Variants in MPHOSPH8 observed in about 807,000 individuals in gnomAD.
The protein encoded by MPHOSPH8 is M-phase phosphoprotein 8.
Under a neutral mutation model 87.3 loss-of-function variants are expected in MPHOSPH8, and 45 were observed. The observed-to-expected ratio is 0.52, with a 90% CI of 0.41 to 0.66. The LOEUF (loss-of-function observed/expected upper bound fraction) is 0.66, where lower values mean the gene tolerates loss of function less well. MPHOSPH8 is among the 30% of genes least tolerant of loss of function. The probability of loss-of-function intolerance (pLI) is 0.00; values close to 1 mark genes in which losing one functional copy is unlikely to be tolerated. For synonymous variants in MPHOSPH8, 366 were observed against 376.9 expected (o/e 0.97, Z 0.33); for missense variants, 883 against 1,020.2 (o/e 0.87, Z 1.83).
In MPHOSPH8 at chr13:19,668,510, C is replaced by T. The variant is rs1593492598; in HGVS notation, c.2308C>T (p.Pro770Ser). The T allele has an allele frequency of 6.2e-7, 1 of 1,614,074 alleles. No individual in the cohort carries two copies. Among genetic ancestry groups the T allele is most frequent in the East Asian group, 2.2e-5 (1 of 44,882 alleles). ...PDFSTDFNYK[P>S]PQNIPEGSGI... Reference sequence around the variant, plus strand: ...TTTTTCAACAGATTTCAATTACAAACCCCCACAGAACATACCAGAAGGTAA... The same window carrying T: ...TTTTTCAACAGATTTCAATTACAAATCCCCACAGAACATACCAGAAGGTAA... Residue 770 changes from proline (P) to serine (S), a missense_variant, in exon 11 of 14, where the codon CCC becomes TCC. Around this residue, in one of 3 missense-constraint regions of MPHOSPH8, gnomAD observed 741 missense variants for 841.5 expected, o/e 0.88. Transcript: ENST00000361479.
chr13:19,662,889 C>G, intron 8 of MPHOSPH8, 151 bp from the exon 9 acceptor site: 1 of 659,752 alleles, frequency 1.5e-6, no homozygotes, highest in Non-Finnish European at 2.6e-6. Flanking sequence ...GCGGGGTGCA[C>G]CCCCGTGGCC....
intron 2 of MPHOSPH8, among the ~76,000 whole-genome samples, chr13:19,642,961 G>A (rs1171198819): frequency 6.6e-6 from 1 of 152,160 alleles, no homozygotes; most frequent in South Asian, 2.1e-4. Context: ...GGTCAGCACT[G>A]GTTTAGTAAG....
chr13:19,644,693 G>T (rs1487359782), intron 2 of MPHOSPH8, among the ~76,000 whole-genome samples: 1 of 152,208 alleles, frequency 6.6e-6, no homozygotes, highest in Non-Finnish European at 1.5e-5. Flanking sequence ...GACTTCTTTT[G>T]TTTCCTAACA....
chr13:19,651,270 T>C (rs1874831605), intron 5 of MPHOSPH8, among the ~76,000 whole-genome samples: 1 of 152,226 alleles, frequency 6.6e-6, no homozygotes, highest in Non-Finnish European at 1.5e-5. Context: ...CAGTGGCCTG[T>C]AGTCCCAGCA....
intron 2 of MPHOSPH8, 133 bp downstream of exon 2, chr13:19,642,403 C>A: frequency 1.4e-6 from 1 of 732,854 alleles, no homozygotes; most frequent in Non-Finnish European, 2.0e-6. Flanking sequence ...TCCATGTAGC[C>A]AATTCTCACA....
At chr13:19,660,785 GT>G (rs1875482164) in intron 7 of MPHOSPH8, among the ~76,000 whole-genome samples, 1 of 152,030 alleles carries the variant, frequency 6.6e-6, no homozygotes, top group South Asian at 2.1e-4. Flanking sequence ...GGATGTCTTT[GT>G]ACACATAAGT....
chr13:19,661,943 C>A (rs9551950), intron 8 of MPHOSPH8, 105 bp downstream of exon 8: 6 of 1,220,436 alleles, frequency 4.9e-6, no homozygotes, highest in Non-Finnish European at 5.4e-6. Context: ...ATGGTCACAT[C>A]GCTTTTTTTT....
At chr13:19,638,986 G>A (rs1156963786) in intron 1 of MPHOSPH8, among the ~76,000 whole-genome samples, 2 of 151,814 alleles carry the variant, frequency 1.3e-5, no homozygotes, top group Non-Finnish European at 2.9e-5. Flanking sequence ...GGGAGGGAGA[G>A]GCAGGAGAAT....
intron 12 of MPHOSPH8, 24 bp from the exon 13 acceptor site, chr13:19,671,182 T>G (rs749377484): frequency 6.1e-5 from 98 of 1,594,952 alleles, no homozygotes; most frequent in Non-Finnish European, 7.9e-5. Flanking sequence ...AAACACTGAC[T>G]TTTTTTTTCT....
intron 10 of MPHOSPH8, among the ~76,000 whole-genome samples, chr13:19,667,022 C>T (rs1057395381): frequency 1.2e-4 from 19 of 152,058 alleles, no homozygotes; most frequent in Admixed American, 9.8e-4. Context: ...ATTAGCCGGG[C>T]GTGGTGGTGG....
At chr13:19,639,197 A>C (rs1874158352) in intron 1 of MPHOSPH8, among the ~76,000 whole-genome samples, 1 of 151,884 alleles carries the variant, frequency 6.6e-6, no homozygotes, top group Non-Finnish European at 1.5e-5. Flanking sequence ...TATTTTGGCT[A>C]GTCACCCATC....
chr13:19,637,638 T>TA (rs1054800622), intron 1 of MPHOSPH8, among the ~76,000 whole-genome samples: 6 of 152,156 alleles, frequency 3.9e-5, no homozygotes, highest in Non-Finnish European at 7.4e-5. Flanking sequence ...ATGTTTATTC[T>TA]AAAACCAAAT....
At chr13:19,668,608 T>C (rs990469115) in intron 11 of MPHOSPH8, 77 bp downstream of exon 11, 7 of 1,427,976 alleles carry the variant, frequency 4.9e-6, no homozygotes, top group Non-Finnish European at 6.6e-6. Flanking sequence ...CAGAATCCTT[T>C]CTTGGAACAA....
intron 11 of MPHOSPH8, among the ~76,000 whole-genome samples, 158 bp from the exon 12 acceptor site, chr13:19,670,078 G>A (rs1280161689): frequency 1.3e-5 from 2 of 152,252 alleles, no homozygotes; most frequent in Non-Finnish European, 2.9e-5. Context: ...GGTGACACGA[G>A]CTTTGAGAGG....
intron 5 of MPHOSPH8, among the ~76,000 whole-genome samples, chr13:19,656,206 G>T (rs1272565194): frequency 6.7e-6 from 1 of 149,962 alleles, no homozygotes; most frequent in Non-Finnish European, 1.5e-5. Context: ...TTGAGCCCAG[G>T]AGGCAGAGAT....
At position 19,672,843 on chromosome 13, in the gene MPHOSPH8, T is replaced by C. The variant is rs1383719331; in HGVS notation, c.*968T>C. 2 of 331,848 alleles carry C rather than the reference T, an allele frequency of 6.0e-6. No individual in the cohort carries two copies. The highest frequency in any genetic ancestry group is 1.2e-5 in the Non-Finnish European group (2 of 169,046). The allele number at this position is 331,848 out of a possible 1,614,324, so 20.6% of individuals were successfully genotyped here. On this transcript the variant is annotated 3_prime_UTR_variant, in exon 14 of 14. Transcript: ENST00000361479. ...AGCAGAGCGTGGTGGCTCACACCTA[T>C]AATCCCAGCGCTTTGGAGGCTGAGG...
chr13:19,665,676 T>C (rs1193796144), intron 9 of MPHOSPH8, among the ~76,000 whole-genome samples: 2 of 152,342 alleles, frequency 1.3e-5, no homozygotes, highest in Admixed American at 1.3e-4. Context: ...GTGCCACCGC[T>C]CCTGGAGGCT....
At chr13:19,670,104 G>A (rs987807880) in intron 11 of MPHOSPH8, 132 bp from the exon 12 acceptor site, 3 of 1,047,558 alleles carry the variant, frequency 2.9e-6, no homozygotes, top group Non-Finnish European at 2.8e-6. Context: ...CCTCCTCTGA[G>A]CCTCCAGGCA....
chr13:19,644,615 G>C (rs996344142), intron 2 of MPHOSPH8, among the ~76,000 whole-genome samples: 1 of 152,238 alleles, frequency 6.6e-6, no homozygotes, highest in Non-Finnish European at 1.5e-5. Context: ...TCAGTCCCCA[G>C]CAGAGGTGCA....
Sources: allele counts gnomAD v4.1 joint callset (sites outside exome capture counted in the v4.1 genomes callset), GRCh38; gene constraint gnomAD v4.1.1; regional missense constraint gnomAD v4.1.1; transcripts MANE v1.5; gene names NCBI Gene and HGNC (gene_info 2026-07-23, HGNC 2026-07-21).